CIC: variants seen among roughly 807,000 people sequenced by gnomAD.
The protein encoded by CIC is capicua transcriptional repressor.
CIC carries 18 observed loss-of-function variants against 115.7 expected under a neutral mutation model. The observed-to-expected ratio is 0.16, with a 90% CI of 0.11 to 0.23. The LOEUF is 0.23. Among genes scored for constraint, CIC ranks in the 10% least tolerant of loss-of-function variants. CIC has a pLI of 1.00. For missense variants in CIC, 2,000 were observed against 2,159.3 expected (o/e 0.93, Z 1.46); for synonymous variants, 1,076 against 923.0 (o/e 1.17, Z -3.01).
At chr19:42,293,564 G>T (rs773662599) in intron 16 of CIC, 28 bp from the exon 17 acceptor site, 2 of 1,613,554 alleles carry the variant, frequency 1.2e-6, no homozygotes, top group Non-Finnish European at 8.5e-7. Context: ...CTCAGTGTTC[G>T]CCATCTCCCT....
Position 42,286,935 on chromosome 19 carries a change from G to A in CIC, c.2944+15G>A, listed in dbSNP as rs1386787754. 1 of 1,609,562 alleles carries A rather than the reference G, an allele frequency of 6.2e-7. No homozygotes were observed. The highest frequency in any genetic ancestry group is 1.1e-5 in the South Asian group (1 of 91,066). On this transcript the variant is annotated intron_variant, in intron 3 of 20. Coordinates refer to ENST00000681038, the MANE Select transcript of CIC (RefSeq NM_001386298.1). ...CCAGAGCAAAGGTGAGGGCTGGTGG[G>A]GACTGGGGGGAGGCAAGGGTGTGGG...
chr19:42,287,162 C>T lies in CIC; in HGVS notation c.3101C>T (p.Pro1034Leu), dbSNP rs1290683630. The change falls in exon 4 of 21, where the codon CCC (proline) becomes CTC (leucine). Residue 1034 changes from proline (P) to leucine (L), a missense_variant. This residue lies in a region of CIC where 222 missense variants were observed against 247.7 expected (regional missense o/e 0.90). Transcript: ENST00000681038. This position sits in a 1 kb window ranked among gnomAD's most constrained non-coding sequence, Gnocchi z 8.7. ...GTGGAATCTGGTAAGGGTCCGCCTCCCACCACGGAGGAGGAGGCCTCCGGC... is the reference window on the plus strand; with the variant it reads ...GTGGAATCTGGTAAGGGTCCGCCTCTCACCACGGAGGAGGAGGCCTCCGGC... ...GVVESGKGPP[P>L]TTEEEASGPP... 1.2e-6 allele frequency: 2 copies of T among 1,613,414 alleles called. No individual in the cohort carries two copies. The highest frequency in any genetic ancestry group is 4.5e-5 in the East Asian group (2 of 44,888).
rs2147171688 is a variant in CIC at position 42,286,905 on chromosome 19, T to C, written c.2929T>C (p.Ser977Pro). 1 of 1,611,432 alleles carries C rather than the reference T, an allele frequency of 6.2e-7. No individual in the cohort carries two copies. The highest frequency in any genetic ancestry group is 8.5e-7 in the Non-Finnish European group (1 of 1,179,528). The stretch of plus-strand genomic sequence containing the variant: ...GCAACCTGCCAGCCACCCAGTGGCC[T>C]CCAACCAGAGCAAAGGTGAGGGCTG... ...AQQPASHPVA[S>P]NQSKEPAESA... Residue 977 changes from serine (S) to proline (P), a missense_variant, in exon 3 of 21, where the codon TCC (serine) becomes CCC (proline). By Grantham distance (74) the Ser-to-Pro change is moderately conservative. Coordinates refer to ENST00000681038, the MANE Select transcript of CIC (RefSeq NM_001386298.1).
chr19:42,290,065 C>A, intron 10 of CIC, 114 bp downstream of exon 10: 1 of 1,383,928 alleles, frequency 7.2e-7, no homozygotes, highest in South Asian at 1.2e-5. Flanking sequence ...GGGCAAGCTG[C>A]TTGCCCCGTG....
In CIC at chr19:42,271,824, C is replaced by T; in HGVS notation, c.41C>T (p.Pro14Leu). The T allele has an allele frequency of 2.5e-6, 1 of 398,754 alleles. No homozygotes were observed. Among genetic ancestry groups the T allele is most frequent in the East Asian group, 3.6e-5 (1 of 28,088 alleles). The allele number at this position is 398,754 out of a possible 1,614,324, so 24.7% of individuals were successfully genotyped here. The change falls in exon 2 of 21, where the codon CCT becomes CTT. Residue 14 changes from proline to leucine, a missense_variant. Transcript: ENST00000681038. ...AAGGCATGCACTGGCCTTTCAGGTCCTGGCAGTGGCAGCAAGTCCCCCCCA... is the reference window on the plus strand; with the variant it reads ...AAGGCATGCACTGGCCTTTCAGGTCTTGGCAGTGGCAGCAAGTCCCCCCCA... ...MKKACTGLSG[P>L]GSGSKSPPAT...
In CIC at chr19:42,286,992, C is replaced by G. The variant is rs535988880; in HGVS notation, c.2945-14C>G. ...GTGGCCTAGGAGCCCTCTGATCTAC[C>G]TCTGTGTCCCCAGAACCTGCTGAGT... On this transcript the variant is annotated splice_polypyrimidine_tract_variant and intron_variant, in intron 3 of 20. Transcript: ENST00000681038. 1.4e-5 allele frequency: 23 copies of G among 1,608,670 alleles called. No individual in the cohort carries two copies. Among genetic ancestry groups the G allele is most frequent in the African/African-American group, 4.0e-5 (3 of 74,890 alleles).
intron 10 of CIC, 54 bp from the exon 11 acceptor site, chr19:42,290,179 C>T: frequency 6.2e-7 from 1 of 1,610,728 alleles, no homozygotes; most frequent in Non-Finnish European, 8.5e-7. Context: ...TAGGGGGCTG[C>T]TATCGAGGTG....
chr19:42,284,323 C>CGCCCCGCCCCGCCTGCCCCGCCT (rs1258208331), intron 2 of CIC: 1 of 143,980 alleles, frequency 6.9e-6, no homozygotes. Context: ...ACGCGCGTCG[C>CGCCCCGCCCCGCCTGCCCCGCCT]GCCCCGCCCC....
intron 12 of CIC, 150 bp from the exon 13 acceptor site, chr19:42,291,936 C>G (rs1330193350): frequency 2.3e-6 from 3 of 1,312,108 alleles, no homozygotes; most frequent in Non-Finnish European, 1.1e-6. Context: ...CTCTGTGTCC[C>G]CACCTCTCAC....
rs1397530217 is a variant in CIC at position 42,272,479 on chromosome 19, G to A, written c.696G>A (p.Val232=). ...RQVRRSQDLG[V]QFPGDRALTF... ...TGCGCCGAAGCCAGGACCTGGGCGT[G>A]CAGTTCCCTGGTGACCGAGCCCTGA... Residue 232 remains valine (V), a synonymous_variant, in exon 2 of 21, where the codon GTG becomes GTA. Coordinates refer to ENST00000681038, the MANE Select transcript of CIC (RefSeq NM_001386298.1). 7 of 398,456 alleles carry A rather than the reference G, an allele frequency of 1.8e-5. No individual in the cohort carries two copies. The highest frequency in any genetic ancestry group is 1.2e-4 in the African/African-American group (6 of 48,630). 24.7% of individuals were successfully genotyped at this position (398,456 alleles called of 1,614,324 possible). A position where few individuals can be genotyped will look rare whatever the true frequency, so the allele number is the denominator to read the frequency against.
chr19:42,275,851 T>C (rs1226308079), intron 2 of CIC, among the ~76,000 whole-genome samples: 1 of 152,096 alleles, frequency 6.6e-6, no homozygotes, highest in East Asian at 1.9e-4. Context: ...TACTGTTGAT[T>C]CAGGGCCTGG....
In CIC at chr19:42,274,432, G is replaced by T; in HGVS notation, c.2649G>T (p.Met883Ile). Residue 883 changes from methionine (M) to isoleucine (I), a missense_variant, in exon 2 of 21, where the codon ATG becomes ATT. This residue lies in a region of CIC where 222 missense variants were observed against 247.7 expected (regional missense o/e 0.90). Coordinates refer to ENST00000681038, the MANE Select transcript of CIC (RefSeq NM_001386298.1). Reference protein sequence around the residue: ...PAAPTAVAQPMPAFGLASSPF... With the variant: ...PAAPTAVAQPIPAFGLASSPF... ...CACCAACTGCCGTGGCCCAGCCGAT[G>T]CCCGCCTTTGGCCTGGCTTCTTCAC... 2.5e-6 allele frequency: 1 copy of T among 399,034 alleles called. No individual in the cohort carries two copies. Among genetic ancestry groups the T allele is most frequent in the Non-Finnish European group, 4.4e-6 (1 of 226,348 alleles). 24.7% of individuals were successfully genotyped at this position (399,034 alleles called of 1,614,324 possible).
At chr19:42,293,881 G>T in intron 17 of CIC, 45 bp downstream of exon 17, 1 of 1,613,136 alleles carries the variant, frequency 6.2e-7, no homozygotes, top group Non-Finnish European at 8.5e-7. Flanking sequence ...AGGGTGGCGG[G>T]AGTGGGAGCA....
chr19:42,276,502 A>G (rs2036982793), intron 2 of CIC, among the ~76,000 whole-genome samples: 1 of 152,100 alleles, frequency 6.6e-6, no homozygotes. Context: ...TTCAGGAAGG[A>G]GCACTGGCCT....
rs748234531 is a variant in CIC at position 42,289,129 on chromosome 19, A to G, written c.3861+39A>G. 1.7e-5 allele frequency: 27 copies of G among 1,612,480 alleles called. No homozygotes were observed. In the South Asian group the frequency reaches 2.9e-4, roughly 17 times the overall value. On this transcript the variant is annotated intron_variant, in intron 8 of 20. Coordinates refer to ENST00000681038, the MANE Select transcript of CIC (RefSeq NM_001386298.1). ...GCCCCCTAGTGGGGGTGGGCAGGGAACCTGTCCAGGGCAGCAGCCCCGCTG... is the reference window on the plus strand; with the variant it reads ...GCCCCCTAGTGGGGGTGGGCAGGGAGCCTGTCCAGGGCAGCAGCCCCGCTG...
In CIC at chr19:42,281,000, C is replaced by T. The variant is rs1213021675; in HGVS notation, c.2795-5771C>T. ...CCCCAGTCTCTCTTTTCCTCCTGGT[C>T]CCCCTGCCTACCCCAGCCCCACTCA... is the stretch of plus-strand genomic sequence containing the variant. On this transcript the variant is annotated intron_variant, in intron 2 of 20. Transcript: ENST00000681038. The surrounding 1 kb of genome is among the most constrained non-coding windows in gnomAD (Gnocchi z 4.9). 6.6e-6 allele frequency among the ~76,000 whole-genome samples: 1 copy of T among 151,196 alleles called. No homozygotes were observed. Among genetic ancestry groups the T allele is most frequent in the African/African-American group, 2.4e-5 (1 of 41,198 alleles).
At position 42,290,944 on chromosome 19, in the gene CIC, A is replaced by C. The variant is rs1239763774; in HGVS notation, c.4903A>C (p.Ser1635Arg). 2.5e-6 allele frequency: 4 copies of C among 1,613,550 alleles called. No individual in the cohort carries two copies. The South Asian group carries it at 4.4e-5, about 18-fold the overall frequency. Residue 1635 changes from serine to arginine, a missense_variant, in exon 11 of 21, where the codon AGC (serine) becomes CGC (arginine). By Grantham distance (110) the Ser-to-Arg change is moderately radical. Coordinates refer to ENST00000681038, the MANE Select transcript of CIC (RefSeq NM_001386298.1). The stretch of plus-strand genomic sequence containing the variant: ...GCCTGGGGGCTCCCCGCTGGGTGTC[A>C]GCTTAGTGTATTCGGACAAGAAGTC... Reference protein sequence around the residue: ...RVPGGSPLGVSLVYSDKKSAA... With the variant: ...RVPGGSPLGVRLVYSDKKSAA...
At position 42,286,820 on chromosome 19, in the gene CIC, C is replaced by T; in HGVS notation, c.2844C>T (p.Ser948=). The change falls in exon 3 of 21, where the codon TCC becomes TCT. Residue 948 remains serine, a synonymous_variant. Coordinates refer to ENST00000681038, the MANE Select transcript of CIC (RefSeq NM_001386298.1). ...CTGTGGCTGTGTTCCCTTGGCACTCCTTAGTCCCCTTCCTGGCACCCAGCC... is the reference window on the plus strand; with the variant it reads ...CTGTGGCTGTGTTCCCTTGGCACTCTTTAGTCCCCTTCCTGGCACCCAGCC... ...PRSVAVFPWH[S]LVPFLAPSQP... is the part of the protein sequence containing the mutation. 1 of 1,614,002 alleles carries T rather than the reference C, an allele frequency of 6.2e-7. No individual in the cohort carries two copies. Among genetic ancestry groups the T allele is most frequent in the Middle Eastern group, 1.7e-4 (1 of 6,060 alleles).
chr19:42,290,224 T>G lies in CIC; in HGVS notation c.4192-9T>G, dbSNP rs2037974601. On this transcript the variant is annotated splice_polypyrimidine_tract_variant and intron_variant, in intron 10 of 20. Coordinates refer to ENST00000681038, the MANE Select transcript of CIC (RefSeq NM_001386298.1). ...CCTGACCTGGGGTGTCTCCCTTCCT[T>G]TCATGCAGGGCTTTGGTCGGAAGGT... 6.2e-7 allele frequency: 1 copy of G among 1,614,024 alleles called. No homozygotes were observed. Among genetic ancestry groups the G allele is most frequent in the Non-Finnish European group, 8.5e-7 (1 of 1,179,968 alleles).
Sources: allele counts gnomAD v4.1 joint callset (sites outside exome capture counted in the v4.1 genomes callset), GRCh38; gene constraint gnomAD v4.1.1; regional missense constraint gnomAD v4.1.1; non-coding constraint Gnocchi (gnomAD v3.1); transcripts MANE v1.5; gene names NCBI Gene and HGNC (gene_info 2026-07-23, HGNC 2026-07-21).